Variants in SPMIP8 observed in about 807,000 individuals in gnomAD.
SPMIP8 encodes sperm microtubule inner protein 8.
At chr16:57,984,505 C>T in the SPMIP8 span, 1 of 1,504,538 alleles carries the variant, frequency 6.6e-7, no homozygotes, top group Non-Finnish European at 9.0e-7. Context: ...TCCGGGTTCA[C>T]GACTTCGGGC....
chr16:57,985,208 G>A, the SPMIP8 span: 1 of 1,533,590 alleles, frequency 6.5e-7, no homozygotes, highest in Non-Finnish European at 8.8e-7. Flanking sequence ...GTTCGCAGCG[G>A]AGGGTCTCAG....
chr16:57,977,108 T>G, the SPMIP8 span, among the ~76,000 whole-genome samples: 2 of 152,130 alleles, frequency 1.3e-5, no homozygotes, highest in African/African-American at 4.8e-5. Context: ...ACTTTCCTGC[T>G]TATTATTTAA....
At chr16:57,981,481 ATCTC>A in the SPMIP8 span, among the ~76,000 whole-genome samples, 12 of 134,160 alleles carry the variant, frequency 8.9e-5, no homozygotes, top group African/African-American at 2.2e-4. Context: ...TAGTCTTGTA[ATCTC>A]TCTCTCTCTC....
chr16:57,987,261 A>T, the SPMIP8 span: 3 of 833,708 alleles, frequency 3.6e-6, no homozygotes, highest in Admixed American at 4.2e-5. Context: ...TACAGAAAAC[A>T]GGGAGCCACT....
At chr16:57,976,704 G>C in the SPMIP8 span, 1 of 1,581,802 alleles carries the variant, frequency 6.3e-7, no homozygotes. Context: ...CCCTCCCCAG[G>C]CAGTCACATC....
the SPMIP8 span, among the ~76,000 whole-genome samples, chr16:57,978,724 T>C: frequency 4.6e-5 from 7 of 151,922 alleles, no homozygotes; most frequent in Admixed American, 4.6e-4. Flanking sequence ...CAAATGATCC[T>C]CCCATCTCAG....
chr16:57,978,541 A>G, the SPMIP8 span, among the ~76,000 whole-genome samples: 3 of 147,882 alleles, frequency 2.0e-5, no homozygotes, highest in African/African-American at 7.4e-5. Context: ...TCTCCGTCTC[A>G]AAAAAAAAAG....
At chr16:57,985,867 G>A in the SPMIP8 span, 5 of 1,588,692 alleles carry the variant, frequency 3.1e-6, no homozygotes, top group African/African-American at 1.3e-5. Context: ...AGAGAGGGTC[G>A]CCCCTTCCCA....
chr16:57,978,768 A>T, the SPMIP8 span, among the ~76,000 whole-genome samples: 1 of 152,070 alleles, frequency 6.6e-6, no homozygotes, highest in African/African-American at 2.4e-5. Context: ...GATACGTGCC[A>T]CCCTGCCCTG....
At chr16:57,977,921 G>A in the SPMIP8 span, 557 of 1,614,072 alleles carry the variant, frequency 3.5e-4, 3 homozygotes, top group African/African-American at 6.2e-3. Context: ...ACCAGCTGGC[G>A]GGCGTGAAGC....
chr16:57,978,993 G>A, the SPMIP8 span, among the ~76,000 whole-genome samples: 1 of 152,154 alleles, frequency 6.6e-6, no homozygotes. Flanking sequence ...AGTAACTTCT[G>A]CCCAAGCATC....
the SPMIP8 span, chr16:57,987,380 CT>C: frequency 6.3e-7 from 1 of 1,586,328 alleles, no homozygotes; most frequent in Non-Finnish European, 8.6e-7. Context: ...CACCTCACCC[CT>C]ACTTCTCTCC....
chr16:57,976,676 C>A, the SPMIP8 span: 1 of 1,605,696 alleles, frequency 6.2e-7, no homozygotes, highest in Non-Finnish European at 8.5e-7. Flanking sequence ...TCCCCATATC[C>A]GTGATCCCCC....
the SPMIP8 span, chr16:57,986,006 C>T: frequency 1.3e-6 from 2 of 1,532,454 alleles, no homozygotes; most frequent in East Asian, 4.8e-5. Flanking sequence ...TGGGGACAGC[C>T]TCGGGGCTCC....
the SPMIP8 span, chr16:57,985,441 C>G: frequency 7.7e-5 from 125 of 1,613,542 alleles, no homozygotes; most frequent in Middle Eastern, 1.7e-4. Context: ...CGTCCGTGCT[C>G]CCCCGACTCA....
the SPMIP8 span, chr16:57,987,182 T>C: frequency 4.6e-6 from 2 of 431,850 alleles, no homozygotes. Flanking sequence ...TAGGTATCAA[T>C]GGGAGAGAAG....
chr16:57,985,342 G>A, the SPMIP8 span: 4 of 1,565,814 alleles, frequency 2.6e-6, no homozygotes, highest in Admixed American at 1.8e-5. Context: ...TAAGCCGGGG[G>A]TTGAGGGGGG....
chr16:57,986,032 C>A, the SPMIP8 span: 1 of 1,477,110 alleles, frequency 6.8e-7, no homozygotes, highest in Non-Finnish European at 9.0e-7. Context: ...TCTGAAACCC[C>A]CCTGCCCCAG....
the SPMIP8 span, among the ~76,000 whole-genome samples, chr16:57,982,879 A>C: frequency 1.3e-5 from 2 of 152,044 alleles, no homozygotes; most frequent in Non-Finnish European, 2.9e-5. Context: ...AAAATACAAA[A>C]ATTAGCCAGG....
Sources: gnomAD v4.1 joint callset for allele counts (sites outside exome capture counted in the v4.1 genomes callset) on GRCh38, gnomAD v4.1.1 for gene constraint, MANE v1.5 for transcripts, NCBI Gene and HGNC (gene_info 2026-07-23, HGNC 2026-07-21) for gene names.